GPC6: variants seen among roughly 807,000 people sequenced by gnomAD.
The protein encoded by GPC6 is glypican 6.
Under a neutral mutation model 55.2 loss-of-function variants are expected in GPC6, and 14 were observed. That is an observed-to-expected ratio of 0.25 (90% CI 0.17 to 0.40). The LOEUF (loss-of-function observed/expected upper bound fraction) is 0.40, where lower values mean the gene tolerates loss of function less well. Among genes scored for constraint, GPC6 ranks in the 10% least tolerant of loss-of-function variants. The pLI is 1.00. For missense variants in GPC6, 641 were observed against 708.5 expected, an observed-to-expected ratio of 0.90 and a Z score of 1.08; for synonymous variants, 278 against 259.6, an observed-to-expected ratio of 1.07 and a Z score of -0.68.
At chr13:94,219,048 T>A (rs947039967) in intron 4 of GPC6, among the ~76,000 whole-genome samples, 4 of 152,204 alleles carry the variant, frequency 2.6e-5, no homozygotes, top group Admixed American at 2.0e-4. Context: ...TCACATATGC[T>A]AACATGTGTC....
chr13:93,257,837 G>A (rs527299257), intron 1 of GPC6, among the ~76,000 whole-genome samples: 3 of 152,286 alleles, frequency 2.0e-5, no homozygotes, highest in Non-Finnish European at 2.9e-5. Flanking sequence ...ACTTTTTCTA[G>A]TATTAAATTT....
At chr13:94,181,204 A>G (rs9524362) in intron 4 of GPC6, among the ~76,000 whole-genome samples, 41,077 of 152,118 alleles carry the variant, frequency 0.27, 5,761 homozygotes, top group Middle Eastern at 0.38. Context: ...GGTTAAATTC[A>G]TCATTCTTTG....
intron 1 of GPC6, among the ~76,000 whole-genome samples, chr13:93,382,228 C>T (rs145791441): frequency 6.2e-4 from 94 of 152,194 alleles, no homozygotes; most frequent in African/African-American, 1.8e-3. Flanking sequence ...CTGTAATAGA[C>T]GCTTAACATC....
chr13:93,847,212 C>T (rs1888212060), intron 3 of GPC6, among the ~76,000 whole-genome samples: 1 of 152,088 alleles, frequency 6.6e-6, no homozygotes, highest in African/African-American at 2.4e-5. Context: ...CATGGATGAA[C>T]TACTCTGTGA....
intron 2 of GPC6, among the ~76,000 whole-genome samples, chr13:93,685,731 C>T (rs912131036): frequency 1.3e-5 from 2 of 151,046 alleles, no homozygotes; most frequent in African/African-American, 4.9e-5. Flanking sequence ...AACAAACAAA[C>T]AAAAAAACAA....
At chr13:93,359,104 C>T (rs1016677015) in intron 1 of GPC6, among the ~76,000 whole-genome samples, 1 of 151,348 alleles carries the variant, frequency 6.6e-6, no homozygotes, top group Admixed American at 6.6e-5. Flanking sequence ...GTAGCTAGGG[C>T]TACAGATGCG....
chr13:94,306,905 A>G (rs1401020397), intron 6 of GPC6, among the ~76,000 whole-genome samples: 2 of 152,230 alleles, frequency 1.3e-5, no homozygotes, highest in South Asian at 2.1e-4. Flanking sequence ...TGCTTTGCCA[A>G]TTATCTTGAT....
In GPC6 at chr13:93,264,891, G is replaced by C. The variant is rs572043021; in HGVS notation, c.160+37275G>C. Among the ~76,000 whole-genome samples, 39 of 152,104 alleles carry C rather than the reference G, an allele frequency of 2.6e-4. No individual in the cohort carries two copies. In the Middle Eastern group the frequency reaches 0.01, roughly 40 times the overall value. On this transcript the variant is annotated intron_variant, in intron 1 of 8. Coordinates refer to ENST00000377047, the MANE Select transcript of GPC6 (RefSeq NM_005708.5). ...ATCCAGGATGTGGAACCCATGGATA[G>C]AGGGCTTACCGTATTTAGAATAGAA... is the stretch of plus-strand genomic sequence containing the variant.
At chr13:94,371,697 A>C (rs183581388) in intron 6 of GPC6, among the ~76,000 whole-genome samples, 3 of 152,286 alleles carry the variant, frequency 2.0e-5, no homozygotes, top group African/African-American at 7.2e-5. Flanking sequence ...CTCTTTCCCA[A>C]CTTTTCATTA....
chr13:93,697,703 C>G lies in GPC6; in HGVS notation c.320-132451C>G, dbSNP rs185824166. Among the ~76,000 whole-genome samples the G allele has an allele frequency of 3.0e-3, 463 of 152,208 alleles. 1 individual carries two copies. The highest frequency in any genetic ancestry group is 0.01 in the African/African-American group (417 of 41,542). On this transcript the variant is annotated intron_variant, in intron 2 of 8. Transcript: ENST00000377047. The stretch of plus-strand genomic sequence containing the variant: ...TTAGAACTAACAAATAATGTTATGA[C>G]TATATAAATATCATAAATTGCAGAG...
chr13:93,343,631 G>C (rs2139154289), intron 1 of GPC6, among the ~76,000 whole-genome samples: 1 of 152,156 alleles, frequency 6.6e-6, no homozygotes, highest in South Asian at 2.1e-4. Context: ...CCTCCAACTA[G>C]TTAGCCCAGC....
Position 93,876,046 on chromosome 13 carries a change from C to T in GPC6, c.711+45501C>T, listed in dbSNP as rs556882286. ...CCAGCCAGTGATAAGAGTCAGCATG[C>T]AAGTGCTGCTTACAGGGACCTTAGA... On this transcript the variant is annotated intron_variant, in intron 3 of 8. Transcript: ENST00000377047. 3.3e-5 allele frequency among the ~76,000 whole-genome samples: 5 copies of T among 152,122 alleles called. No homozygotes were observed. The South Asian group carries it at 1.0e-3, about 32-fold the overall frequency.
intron 1 of GPC6, among the ~76,000 whole-genome samples, chr13:93,478,016 A>G (rs1879362658): frequency 6.6e-6 from 1 of 152,136 alleles, no homozygotes; most frequent in South Asian, 2.1e-4. Context: ...ATCTGTTTAA[A>G]TGGAGGCTTT....
chr13:93,725,073 G>A (rs1324734283), intron 2 of GPC6, among the ~76,000 whole-genome samples: 1 of 151,990 alleles, frequency 6.6e-6, no homozygotes, highest in Non-Finnish European at 1.5e-5. Flanking sequence ...CTTAAATCCT[G>A]TGTTGTTTAC....
At chr13:94,155,938 A>G (rs184545267) in intron 4 of GPC6, among the ~76,000 whole-genome samples, 4 of 152,220 alleles carry the variant, frequency 2.6e-5, no homozygotes, top group Admixed American at 2.6e-4. Flanking sequence ...CACACTCCAC[A>G]TTCACTCATT....
intron 7 of GPC6, among the ~76,000 whole-genome samples, chr13:94,386,394 T>C (rs1187688596): frequency 6.6e-6 from 1 of 150,608 alleles, no homozygotes; most frequent in Non-Finnish European, 1.5e-5. Flanking sequence ...AAAGAAAGAC[T>C]AGCCTGGGCA....
intron 1 of GPC6, among the ~76,000 whole-genome samples, chr13:93,481,489 A>G (rs375228148): frequency 9.9e-5 from 15 of 152,106 alleles, no homozygotes; most frequent in African/African-American, 3.6e-4. Flanking sequence ...CTTTGGTGTT[A>G]TAGCTAAGAA....
At chr13:94,070,724 C>G (rs1458060490) in intron 4 of GPC6, among the ~76,000 whole-genome samples, 1 of 152,174 alleles carries the variant, frequency 6.6e-6, no homozygotes, top group Non-Finnish European at 1.5e-5. Flanking sequence ...CCTTTTAAGA[C>G]TTGTCTGAAA....
chr13:94,228,250 G>C (rs1341413546), intron 4 of GPC6, among the ~76,000 whole-genome samples: 1 of 151,944 alleles, frequency 6.6e-6, no homozygotes, highest in Non-Finnish European at 1.5e-5. Flanking sequence ...CAGCATTCTC[G>C]GTCCTCTGAC....
Sources: allele counts gnomAD v4.1 joint callset (sites outside exome capture counted in the v4.1 genomes callset), GRCh38; gene constraint gnomAD v4.1.1; transcripts MANE v1.5; gene names NCBI Gene and HGNC (gene_info 2026-07-23, HGNC 2026-07-21).